Variants in HBS1L observed in about 807,000 individuals in gnomAD.
HBS1L encodes HBS1-like protein.
In HBS1L, 55 loss-of-function variants were observed where a neutral mutation model predicts 88.9. The observed-to-expected ratio is 0.62, with a 90% CI of 0.50 to 0.77. The LOEUF (loss-of-function observed/expected upper bound fraction) is 0.77. HBS1L is among the 30% of genes least tolerant of loss of function. The pLI, the probability that HBS1L is intolerant of heterozygous loss-of-function variation, is 0.00. For missense variants in HBS1L, 741 were observed against 829.3 expected, an observed-to-expected ratio of 0.89 and a Z score of 1.31; for synonymous variants, 267 against 288.5, an observed-to-expected ratio of 0.93 and a Z score of 0.76.
chr6:134,962,267 T>A lies in HBS1L; in HGVS notation c.*3012A>T, dbSNP rs959937456. 3 of 152,144 alleles carry A rather than the reference T, an allele frequency of 2.0e-5. No homozygotes were observed. The highest frequency in any genetic ancestry group is 4.4e-5 in the Non-Finnish European group (3 of 68,018). The allele number at this position is 152,144 out of a possible 1,614,324, so 9.4% of individuals were successfully genotyped here. ...ATAAAAAAAACCTCTAATACTTCTATTGAAAAATATTGATTACATAACAAC... is the reference window on the plus strand; with the variant it reads ...ATAAAAAAAACCTCTAATACTTCTAATGAAAAATATTGATTACATAACAAC... On this transcript the variant is annotated 3_prime_UTR_variant, in exon 18 of 18. Transcript: ENST00000367837.
At chr6:134,973,383 C>A (rs558818681) in intron 15 of HBS1L, among the ~76,000 whole-genome samples, 1 of 152,250 alleles carries the variant, frequency 6.6e-6, no homozygotes, top group East Asian at 1.9e-4. Flanking sequence ...ACATAAGGAA[C>A]CTAGAGCAGG....
chr6:135,036,479 C>A, intron 4 of HBS1L: 3 of 1,376,324 alleles, frequency 2.2e-6, no homozygotes, highest in Non-Finnish European at 2.8e-6. Context: ...ATTTGAATCC[C>A]ATAATATAAA....
At position 134,993,872 on chromosome 6, in the gene HBS1L, TC is replaced by T; in HGVS notation, c.968del (p.Gly323GlufsTer2). The T allele has an allele frequency of 6.6e-7, 1 of 1,516,702 alleles. No homozygotes were observed. Among genetic ancestry groups the T allele is most frequent in the Non-Finnish European group, 9.1e-7 (1 of 1,096,098 alleles). 94.0% of individuals were successfully genotyped at this position (1,516,702 alleles called of 1,614,324 possible). ...LDETGEERER[G>X]VTMDVGMTKF... ...TTGTCATACCAACATCCATGGTTAC[TC>T]CCCTTAAACAAAACATAACATGGTT... On this transcript the variant is annotated frameshift_variant and splice_region_variant, in exon 8 of 18. Transcript: ENST00000367837. LOFTEE classifies it high-confidence loss of function.
At chr6:135,037,432 T>C in intron 4 of HBS1L, 3 of 1,549,304 alleles carry the variant, frequency 1.9e-6, no homozygotes, top group South Asian at 2.4e-5. Flanking sequence ...TTCAGTTTCT[T>C]TACTAGCATT....
intron 4 of HBS1L, among the ~76,000 whole-genome samples, chr6:135,011,173 A>G (rs1367298083): frequency 6.6e-6 from 1 of 152,170 alleles, no homozygotes; most frequent in Non-Finnish European, 1.5e-5. Flanking sequence ...AGAAAAACAT[A>G]AAAATATAGG....
intron 15 of HBS1L, among the ~76,000 whole-genome samples, chr6:134,971,531 C>A (rs1774487092): frequency 6.6e-6 from 1 of 152,108 alleles, no homozygotes; most frequent in South Asian, 2.1e-4. Flanking sequence ...TCAGGATGGA[C>A]AAAGGATGGG....
In HBS1L at chr6:135,041,983, C is replaced by A; in HGVS notation, c.235+18G>T. 1 of 1,609,520 alleles carries A rather than the reference C, an allele frequency of 6.2e-7. No homozygotes were observed. On this transcript the variant is annotated intron_variant, in intron 3 of 17. Transcript: ENST00000367837. ...ATTAATCACTTTCAGATAACAGATA[C>A]ACTACTTTTTGCTATACCTTGATCA...
At chr6:135,037,711 C>T (rs1395786089) in intron 4 of HBS1L, 1 of 1,550,846 alleles carries the variant, frequency 6.4e-7, no homozygotes, top group South Asian at 1.2e-5. Context: ...ACTTTCCAGA[C>T]TGTCTGTAGA....
intron 15 of HBS1L, among the ~76,000 whole-genome samples, chr6:134,970,653 G>A (rs959572073): frequency 6.6e-6 from 1 of 152,174 alleles, no homozygotes; most frequent in Non-Finnish European, 1.5e-5. Context: ...CCATGATGCT[G>A]TGTGTAGAGC....
rs1776496055 is a variant in HBS1L, at chr6:135,035,161, G to A, written c.430+4412C>T. Reference sequence around the variant, plus strand: ...TCCACATTCCATTACTTATTGTAAAGAACAAGTTAGGCCGGGCGTGGTGGC... The same window carrying A: ...TCCACATTCCATTACTTATTGTAAAAAACAAGTTAGGCCGGGCGTGGTGGC... On this transcript the variant is annotated intron_variant, in intron 4 of 17. Coordinates refer to ENST00000367837, the MANE Select transcript of HBS1L (RefSeq NM_006620.4). Among the ~76,000 whole-genome samples, 4 of 152,130 alleles carry A rather than the reference G, an allele frequency of 2.6e-5. No homozygotes were observed. The South Asian group carries it at 8.3e-4, about 32-fold the overall frequency.
In HBS1L at chr6:135,054,818, G is replaced by A; in HGVS notation, c.-127C>T. ...CCATCTTGGCTTCCCGCAGGCCTCT[G>A]CGCCGAGCGCCTGCGCAAGCGCGAC... On this transcript the variant is annotated 5_prime_UTR_variant, in exon 1 of 18. Coordinates refer to ENST00000367837, the MANE Select transcript of HBS1L (RefSeq NM_006620.4). The A allele has an allele frequency of 8.7e-7, 1 of 1,152,224 alleles. No individual in the cohort carries two copies. Among genetic ancestry groups the A allele is most frequent in the South Asian group, 1.4e-5 (1 of 73,440 alleles). The allele number at this position is 1,152,224 out of a possible 1,614,324, so 71.4% of individuals were successfully genotyped here.
chr6:135,047,193 G>A (rs9389260), intron 2 of HBS1L, among the ~76,000 whole-genome samples: 19,916 of 152,128 alleles, frequency 0.13, 1,581 homozygotes, highest in East Asian at 0.27. Context: ...GGCCATAAAT[G>A]CAAGTCTCAG....
chr6:135,015,449 C>T (rs6902438), intron 4 of HBS1L, among the ~76,000 whole-genome samples: 71,955 of 152,006 alleles, frequency 0.47, 17,285 homozygotes, highest in South Asian at 0.56. Flanking sequence ...TTTCCACTCT[C>T]TGTCCTCTAA....
At chr6:135,044,195 C>T (rs754882773) in intron 2 of HBS1L, among the ~76,000 whole-genome samples, 2 of 152,162 alleles carry the variant, frequency 1.3e-5, no homozygotes, top group Non-Finnish European at 2.9e-5. Context: ...CCTATATTTA[C>T]TGGAGTACTT....
At chr6:135,010,139 C>T (rs1775734586) in intron 4 of HBS1L, among the ~76,000 whole-genome samples, 1 of 152,114 alleles carries the variant, frequency 6.6e-6, no homozygotes, top group South Asian at 2.1e-4. Context: ...ATCCTATTTA[C>T]ATTCTATAGA....
At chr6:134,969,468 C>A in intron 15 of HBS1L, 130 bp from the exon 16 acceptor site, 1 of 639,456 alleles carries the variant, frequency 1.6e-6, no homozygotes, top group South Asian at 1.9e-5. Flanking sequence ...CCAGTTGCTT[C>A]CTCTAAGTCC....
At chr6:135,005,762 C>T (rs752067531) in intron 4 of HBS1L, among the ~76,000 whole-genome samples, 11 of 152,054 alleles carry the variant, frequency 7.2e-5, no homozygotes, top group African/African-American at 1.2e-4. Flanking sequence ...TGAGCTGAGA[C>T]GGGAGAAACG....
intron 12 of HBS1L, among the ~76,000 whole-genome samples, chr6:134,984,912 A>G (rs1354356428): frequency 6.6e-6 from 1 of 152,112 alleles, no homozygotes; most frequent in African/African-American, 2.4e-5. Context: ...CCAGACTGTT[A>G]CAGATGGGGA....
At chr6:135,050,142 A>G (rs1182873227) in intron 2 of HBS1L, among the ~76,000 whole-genome samples, 1 of 152,262 alleles carries the variant, frequency 6.6e-6, no homozygotes, top group Non-Finnish European at 1.5e-5. Context: ...TCTGAACTAC[A>G]TATATTGGTT....
Sources: gnomAD v4.1 joint callset for allele counts (sites outside exome capture counted in the v4.1 genomes callset) on GRCh38, gnomAD v4.1.1 for gene constraint, MANE v1.5 for transcripts, NCBI Gene and HGNC (gene_info 2026-07-23, HGNC 2026-07-21) for gene names.